Variants in NBPF12 observed in about 807,000 individuals in gnomAD.
The protein encoded by NBPF12 is NBPF family member NBPF12.
Under a neutral mutation model 146.4 loss-of-function variants are expected in NBPF12, and 115 were observed. The ratio of observed to expected loss-of-function variants is 0.79; its 90% CI spans 0.68 to 0.92. The LOEUF (loss-of-function observed/expected upper bound fraction) is 0.92, where lower values mean the gene tolerates loss of function less well. Among genes scored for constraint, NBPF12 ranks in the 40% least tolerant of loss-of-function variants. The probability of loss-of-function intolerance (pLI) is 0.00; values close to 1 mark genes in which losing one functional copy is unlikely to be tolerated. For synonymous variants in NBPF12, 385 were observed against 508.9 expected, an observed-to-expected ratio of 0.76 and a Z score of 3.28; for missense variants, 1,205 against 1,326.8, an observed-to-expected ratio of 0.91 and a Z score of 1.43.
chr1:146,953,823 G>C (rs1250532269), intron 2 of NBPF12, among the ~76,000 whole-genome samples: 3 of 151,060 alleles, frequency 2.0e-5, no homozygotes, highest in Admixed American at 6.6e-5. Context: ...TTATACTAGA[G>C]CTCTAAGTCA....
chr1:146,962,709 C>T (rs1388436899), intron 5 of NBPF12, among the ~76,000 whole-genome samples: 3 of 148,762 alleles, frequency 2.0e-5, no homozygotes, highest in Admixed American at 6.8e-5. Flanking sequence ...CCCATCTGCA[C>T]CTGGCCTCAT....
At chr1:146,939,194 C>T (rs1195608778) in intron 1 of NBPF12, among the ~76,000 whole-genome samples, 182 bp downstream of exon 1, 1 of 151,990 alleles carries the variant, frequency 6.6e-6, no homozygotes, top group Admixed American at 6.5e-5. Context: ...GCCCTCCTCT[C>T]GTGGGCGCTG....
At chr1:146,980,468 A>T (rs1657302308) in intron 19 of NBPF12, among the ~76,000 whole-genome samples, 2 of 151,570 alleles carry the variant, frequency 1.3e-5, no homozygotes, top group African/African-American at 2.4e-5. Flanking sequence ...GTTCCTTTCC[A>T]TGTTTAGTGC....
chr1:146,938,479 T>C (rs1181402780), upstream of NBPF12, among the ~76,000 whole-genome samples: 1 of 152,108 alleles, frequency 6.6e-6, no homozygotes, highest in Non-Finnish European at 1.5e-5. Flanking sequence ...GGTCAAGGGC[T>C]GGTGCTTTGA....
upstream of NBPF12, among the ~76,000 whole-genome samples, chr1:146,948,721 C>G (rs1440122301): frequency 2.0e-5 from 3 of 151,840 alleles, no homozygotes; most frequent in South Asian, 2.1e-4. Context: ...TCCCCCAGCC[C>G]GACACCCGTA....
At chr1:146,992,470 G>GTTTGTGTGTT (rs1658250115) in intron 31 of NBPF12, among the ~76,000 whole-genome samples, 5 of 85,454 alleles carry the variant, frequency 5.9e-5, no homozygotes, top group South Asian at 4.6e-4. Context: ...CTCTGTGTGT[G>GTTTGTGTGTT]TGTGTGTGTG....
At chr1:146,994,592 C>T (rs782537041) in exon 34 of NBPF12, 39 of 1,595,904 alleles carry the variant, frequency 2.4e-5, no homozygotes, top group Admixed American at 1.2e-4. Flanking sequence ...CTTACTAAGC[C>T]GAGAGGTTTC....
At chr1:146,961,205 T>A (rs1241149589) in intron 4 of NBPF12, among the ~76,000 whole-genome samples, 1 of 151,970 alleles carries the variant, frequency 6.6e-6, no homozygotes, top group East Asian at 1.9e-4. Flanking sequence ...GAGAGTACCT[T>A]GGTGAGAGTG....
chr1:146,975,133 A>T (rs1656899265), intron 15 of NBPF12, among the ~76,000 whole-genome samples: 6 of 130,666 alleles, frequency 4.6e-5, no homozygotes, highest in Admixed American at 4.2e-4. Context: ...AGCAGCATTC[A>T]GTATACTCAA....
chr1:146,961,097 G>T (rs1655820456), intron 4 of NBPF12, among the ~76,000 whole-genome samples: 1 of 152,054 alleles, frequency 6.6e-6, no homozygotes, highest in Middle Eastern at 3.2e-3. Context: ...AGTGAGCCAA[G>T]ATTGCACTAT....
chr1:146,939,631 T>C (rs1553882614), intron 1 of NBPF12, among the ~76,000 whole-genome samples: 34 of 152,102 alleles, frequency 2.2e-4, no homozygotes, highest in Non-Finnish European at 3.7e-4. Context: ...TGAGACTTCT[T>C]AGATTATCTC....
intron 12 of NBPF12, 42 bp downstream of exon 15, chr1:146,970,761 A>T: frequency 7.8e-7 from 1 of 1,285,860 alleles, no homozygotes; most frequent in East Asian, 2.3e-5. Context: ...GTGTTAACAT[A>T]TGAAAATGTC....
chr1:146,945,242 G>A (rs1327234428), upstream of NBPF12, among the ~76,000 whole-genome samples: 1 of 151,214 alleles, frequency 6.6e-6, no homozygotes, highest in East Asian at 1.9e-4. Flanking sequence ...AATCTCTGGA[G>A]CTGCTTCTGT....
At chr1:146,954,848 T>TA (rs1655496065) in intron 2 of NBPF12, among the ~76,000 whole-genome samples, 2 of 146,300 alleles carry the variant, frequency 1.4e-5, no homozygotes, top group African/African-American at 5.0e-5. Context: ...TATGTCTAAT[T>TA]GATTCTTAGG....
chr1:146,980,506 C>A (rs1392522244), intron 19 of NBPF12, among the ~76,000 whole-genome samples: 93 of 151,692 alleles, frequency 6.1e-4, no homozygotes, highest in African/African-American at 2.2e-3. Flanking sequence ...TTTGGGCAGG[C>A]CTGGTGGTGA....
intron 13 of NBPF12, among the ~76,000 whole-genome samples, chr1:146,972,535 G>A (rs1367112797): frequency 2.6e-5 from 4 of 151,666 alleles, no homozygotes; most frequent in Non-Finnish European, 5.9e-5. Context: ...AGCAAGAAAA[G>A]TGTAGAAGTG....
chr1:146,967,308 C>A (rs1656271144), intron 9 of NBPF12, among the ~76,000 whole-genome samples: 2 of 150,564 alleles, frequency 1.3e-5, no homozygotes, highest in African/African-American at 5.0e-5. Flanking sequence ...TGAGACCAGC[C>A]TGGGCAACAT....
At chr1:146,976,642 C>G (rs1657051278) in intron 16 of NBPF12, among the ~76,000 whole-genome samples, 1 of 151,266 alleles carries the variant, frequency 6.6e-6, no homozygotes, top group Non-Finnish European at 1.5e-5. Context: ...ATGGGGGAGA[C>G]AGCTGCCAAA....
chr1:146,973,161 G>A (rs1427588872), intron 14 of NBPF12, among the ~76,000 whole-genome samples: 4 of 149,080 alleles, frequency 2.7e-5, no homozygotes, highest in Non-Finnish European at 2.9e-5. Context: ...TTGCAATCAG[G>A]TGGGGGTGGG....
Sources: gnomAD v4.1 joint callset for allele counts (sites outside exome capture counted in the v4.1 genomes callset) on GRCh38, gnomAD v4.1.1 for gene constraint, MANE v1.5 for transcripts, NCBI Gene and HGNC (gene_info 2026-07-23, HGNC 2026-07-21) for gene names.